CDC42BPA: variants seen among roughly 807,000 people sequenced by gnomAD.
CDC42BPA encodes the protein serine/threonine-protein kinase MRCK alpha.
CDC42BPA carries 80 observed loss-of-function variants against 223.5 expected under a neutral mutation model. That is an observed-to-expected ratio of 0.36 (90% CI 0.30 to 0.43). The LOEUF (loss-of-function observed/expected upper bound fraction) is 0.43, where lower values mean the gene tolerates loss of function less well. Ranked by LOEUF, CDC42BPA falls within the 20% of genes least tolerant of loss-of-function variation. The pLI, the probability that CDC42BPA is intolerant of heterozygous loss-of-function variation, is 1.00. For missense variants in CDC42BPA, 1,743 were observed against 2,099.9 expected, an observed-to-expected ratio of 0.83 and a Z score of 3.32; for synonymous variants, 694 against 718.6, an observed-to-expected ratio of 0.97 and a Z score of 0.55.
intron 5 of CDC42BPA, among the ~76,000 whole-genome samples, chr1:227,191,696 A>ATTTT (rs1208915193): frequency 1.3e-5 from 2 of 151,358 alleles, no homozygotes; most frequent in African/African-American, 4.9e-5. Context: ...TATTCAACGA[A>ATTTT]ATAGTATTTT....
rs1295037346 is a variant in CDC42BPA, at chr1:227,272,307, G to A, written c.179-18152C>T. On this transcript the variant is annotated intron_variant, in intron 1 of 36. Transcript: ENST00000366766. ...ACCTACATATACCACAGATATATCA[G>A]AATTGGATATTTTTATGTTCTTTGG... 2.6e-5 allele frequency among the ~76,000 whole-genome samples: 4 copies of A among 152,256 alleles called. No individual in the cohort carries two copies. The East Asian group carries it at 5.8e-4, about 22-fold the overall frequency.
intron 5 of CDC42BPA, among the ~76,000 whole-genome samples, chr1:227,175,491 C>G (rs1174622873): frequency 2.0e-5 from 3 of 151,940 alleles, no homozygotes; most frequent in Admixed American, 6.5e-5. Flanking sequence ...TACTTTAACA[C>G]AGCATATGAT....
intron 34 of CDC42BPA, among the ~76,000 whole-genome samples, chr1:227,008,755 T>C (rs1471042984): frequency 6.6e-6 from 1 of 152,264 alleles, no homozygotes; most frequent in Non-Finnish European, 1.5e-5. Flanking sequence ...AGTTGGCAAC[T>C]AGTTGGCCCC....
chr1:227,141,773 C>T (rs1044430280), intron 9 of CDC42BPA, among the ~76,000 whole-genome samples: 1 of 152,168 alleles, frequency 6.6e-6, no homozygotes, highest in Non-Finnish European at 1.5e-5. Context: ...CACTGCACTC[C>T]AGCCTAGACA....
rs559956344 is a variant in CDC42BPA, at chr1:227,231,738, T to C, written c.271-18519A>G. On this transcript the variant is annotated intron_variant, in intron 2 of 36. Coordinates refer to ENST00000366766, the MANE Select transcript of CDC42BPA (RefSeq NM_001394014.1). ...TTTGCATTTCTCTGATGGCCAGTGATGATGAGCATTTTTTCATGTGTCTGT... is the reference window on the plus strand; with the variant it reads ...TTTGCATTTCTCTGATGGCCAGTGACGATGAGCATTTTTTCATGTGTCTGT... Among the ~76,000 whole-genome samples, 7 of 152,220 alleles carry C rather than the reference T, an allele frequency of 4.6e-5. No individual in the cohort carries two copies. In the South Asian group the frequency reaches 1.2e-3, roughly 27 times the overall value.
intron 14 of CDC42BPA, among the ~76,000 whole-genome samples, chr1:227,108,006 A>C (rs1686232334): frequency 6.6e-6 from 1 of 152,078 alleles, no homozygotes; most frequent in Admixed American, 6.6e-5. Context: ...GGGTCAGTCT[A>C]ATTAAAGGCT....
At chr1:226,999,838 C>CT in intron 35 of CDC42BPA, among the ~76,000 whole-genome samples, 1 of 151,090 alleles carries the variant, frequency 6.6e-6, no homozygotes, top group South Asian at 2.1e-4. Flanking sequence ...TCTCAGCAAA[C>CT]TAACACAGGA....
intron 32 of CDC42BPA, among the ~76,000 whole-genome samples, chr1:227,018,239 G>A (rs780979421): frequency 6.6e-6 from 1 of 152,040 alleles, no homozygotes; most frequent in Non-Finnish European, 1.5e-5. Context: ...TGAAGTGAAT[G>A]AGAATGTGGG....
intron 23 of CDC42BPA, 126 bp downstream of exon 23, chr1:227,047,801 T>C: frequency 5.1e-6 from 3 of 589,782 alleles, no homozygotes; most frequent in Admixed American, 3.0e-5. Context: ...TCACACATAA[T>C]TTATTTTATA....
At chr1:227,269,358 G>A (rs762712465) in intron 1 of CDC42BPA, among the ~76,000 whole-genome samples, 1 of 152,070 alleles carries the variant, frequency 6.6e-6, no homozygotes, top group African/African-American at 2.4e-5. Flanking sequence ...TAGCTCACAC[G>A]ACTCAAAAAA....
chr1:227,203,110 C>T (rs925656040), intron 3 of CDC42BPA, among the ~76,000 whole-genome samples: 1 of 152,142 alleles, frequency 6.6e-6, no homozygotes, highest in Non-Finnish European at 1.5e-5. Flanking sequence ...TTACTACCAT[C>T]CCCTAGCACC....
intron 1 of CDC42BPA, among the ~76,000 whole-genome samples, chr1:227,278,230 T>C (rs1687443295): frequency 1.3e-5 from 2 of 152,244 alleles, no homozygotes; most frequent in Admixed American, 1.3e-4. Flanking sequence ...TGTACTGCCT[T>C]GAACACTTTT....
At chr1:227,033,170 T>C (rs1180921750) in intron 27 of CDC42BPA, among the ~76,000 whole-genome samples, 164 bp downstream of exon 27, 1 of 152,208 alleles carries the variant, frequency 6.6e-6, no homozygotes. Flanking sequence ...AATTAAATAC[T>C]TAGCACCAAT....
rs149978094 is a variant in CDC42BPA, at chr1:227,033,346, G to A, written c.3546C>T (p.Pro1182=). 7 of 1,605,608 alleles carry A rather than the reference G, an allele frequency of 4.4e-6. No individual in the cohort carries two copies. In the African/African-American group the frequency reaches 9.4e-5, roughly 21 times the overall value. ...CATACACACTTACCCTAAATATACA[G>A]GGTATATCTTTCCGACTTGCATGGA... ...DVIHASRKDI[P]CIFRVTASQL... Residue 1182 remains proline, a synonymous_variant, in exon 27 of 37, where the codon CCC becomes CCT. Coordinates refer to ENST00000366766, the MANE Select transcript of CDC42BPA (RefSeq NM_001394014.1).
chr1:227,042,066 T>G (rs988337940), intron 23 of CDC42BPA, among the ~76,000 whole-genome samples: 1 of 152,150 alleles, frequency 6.6e-6, no homozygotes, highest in African/African-American at 2.4e-5. Context: ...ACTTTTTCAA[T>G]TGTTCAAAAT....
chr1:227,016,178 C>T lies in CDC42BPA; in HGVS notation c.4759G>A (p.Glu1587Lys). The change falls in exon 34 of 37, where the codon GAA becomes AAA. Residue 1587 changes from glutamate to lysine, a missense_variant. Physicochemically the swap from Glu to Lys is moderately conservative, Grantham distance 56. Coordinates refer to ENST00000366766, the MANE Select transcript of CDC42BPA (RefSeq NM_001394014.1). Reference protein sequence around the residue: ...QQRREMLRDPEMRNKLISNPT... With the variant: ...QQRREMLRDPKMRNKLISNPT... The stretch of plus-strand genomic sequence containing the variant: ...TTAGAAATTAATTTATTTCTCATTT[C>T]TGGATCTCGTAGCATTTCCCTGTAA... The T allele has an allele frequency of 6.3e-7, 1 of 1,578,696 alleles. No individual in the cohort carries two copies.
intron 26 of CDC42BPA, among the ~76,000 whole-genome samples, chr1:227,033,776 T>C (rs963045993): frequency 6.6e-6 from 1 of 152,218 alleles, no homozygotes; most frequent in African/African-American, 2.4e-5. Flanking sequence ...GCTCATGTTA[T>C]ATTTTATTGT....
At chr1:227,085,449 G>C (rs1681657014) in intron 16 of CDC42BPA, among the ~76,000 whole-genome samples, 1 of 152,196 alleles carries the variant, frequency 6.6e-6, no homozygotes, top group South Asian at 2.1e-4. Flanking sequence ...TTTGGCCAGA[G>C]GCCATAGTTT....
intron 9 of CDC42BPA, among the ~76,000 whole-genome samples, chr1:227,141,291 A>G (rs545790482): frequency 1.6e-4 from 24 of 152,322 alleles, no homozygotes; most frequent in African/African-American, 5.5e-4. Context: ...AAGCAGAGAC[A>G]TGGTTGATAA....
Sources: allele counts gnomAD v4.1 joint callset (sites outside exome capture counted in the v4.1 genomes callset), GRCh38; gene constraint gnomAD v4.1.1; transcripts MANE v1.5; gene names NCBI Gene and HGNC (gene_info 2026-07-23, HGNC 2026-07-21).